Variants in MITF observed in about 807,000 individuals in gnomAD.
The protein encoded by MITF is microphthalmia-associated transcription factor.
MITF carries 17 observed loss-of-function variants against 60.5 expected under a neutral mutation model. The ratio of observed to expected loss-of-function variants is 0.28; its 90% CI spans 0.19 to 0.42. The LOEUF is 0.42. MITF is among the 10% of genes least tolerant of loss of function. The pLI is 1.00. For missense variants in MITF, 622 were observed against 683.5 expected, an observed-to-expected ratio of 0.91 and a Z score of 1.00; for synonymous variants, 260 against 248.5, an observed-to-expected ratio of 1.05 and a Z score of -0.43.
chr3:69,928,438 A>G (rs1354363792), intron 2 of MITF, among the ~76,000 whole-genome samples: 2 of 152,160 alleles, frequency 1.3e-5, no homozygotes, highest in African/African-American at 4.8e-5. Context: ...GTAAGGTAGG[A>G]TTTGCAGATT....
Position 69,967,481 on chromosome 3 carries a change from T to A in MITF, c.*2233T>A, listed in dbSNP as rs2107558920. 1 of 233,574 alleles carries A rather than the reference T, an allele frequency of 4.3e-6. No individual in the cohort carries two copies. The highest frequency in any genetic ancestry group is 2.2e-5 in the African/African-American group (1 of 45,422). 14.5% of individuals were successfully genotyped at this position (233,574 alleles called of 1,614,324 possible). ...TTCCTTAGCTGATTTTGAGGGTTTT[T>A]AAAAATAAAGCAAGGTTGACTAACC... On this transcript the variant is annotated 3_prime_UTR_variant, in exon 10 of 10. Coordinates refer to ENST00000352241, the MANE Select transcript of MITF (RefSeq NM_001354604.2).
chr3:69,902,747 A>G (rs1486011994), intron 2 of MITF, among the ~76,000 whole-genome samples: 3 of 152,170 alleles, frequency 2.0e-5, no homozygotes, highest in Non-Finnish European at 4.4e-5. Flanking sequence ...ATGGTAACAC[A>G]TTCAATTCTT....
rs185794091 is a variant in MITF at position 69,752,855 on chromosome 3, C to T, written c.104+13154C>T. On this transcript the variant is annotated intron_variant, in intron 1 of 9. Coordinates refer to ENST00000352241, the MANE Select transcript of MITF (RefSeq NM_001354604.2). ...TTCTCTCTTGCTGCTGCTCCCACCA[C>T]GTGAGATGCCTCACTCCCCTTTTGC... Among the ~76,000 whole-genome samples, 292 of 152,318 alleles carry T rather than the reference C, an allele frequency of 1.9e-3. 3 individuals carry two copies. Among genetic ancestry groups the T allele is most frequent in the African/African-American group, 6.3e-3 (261 of 41,574 alleles).
chr3:69,856,652 T>G (rs2063923891), intron 1 of MITF, among the ~76,000 whole-genome samples: 1 of 152,190 alleles, frequency 6.6e-6, no homozygotes, highest in Non-Finnish European at 1.5e-5. Context: ...AGCCTATCAT[T>G]CTCCCCCAAA....
At chr3:69,858,497 T>A (rs1480355148) in intron 1 of MITF, among the ~76,000 whole-genome samples, 1 of 152,152 alleles carries the variant, frequency 6.6e-6, no homozygotes. Context: ...GTTTTACTTA[T>A]TTAAATACAC....
intron 1 of MITF, among the ~76,000 whole-genome samples, chr3:69,815,292 T>G (rs1020615808): frequency 2.0e-5 from 3 of 152,114 alleles, no homozygotes; most frequent in African/African-American, 7.2e-5. Flanking sequence ...CCTGCTCACA[T>G]TGTCTAGTAA....
At chr3:69,875,770 A>AGAAGGT (rs1201059381) in intron 1 of MITF, among the ~76,000 whole-genome samples, 1 of 152,328 alleles carries the variant, frequency 6.6e-6, no homozygotes, top group Non-Finnish European at 1.5e-5. Context: ...GTTTTTGTCT[A>AGAAGGT]GAAGGTGATA....
At chr3:69,943,894 C>G (rs2066029919) in intron 5 of MITF, among the ~76,000 whole-genome samples, 1 of 151,996 alleles carries the variant, frequency 6.6e-6, no homozygotes. Flanking sequence ...AGTTGGAGAT[C>G]AGCCTAGGCA....
chr3:69,879,611 G>A (rs1219038926), intron 2 of MITF, among the ~76,000 whole-genome samples: 2 of 152,182 alleles, frequency 1.3e-5, no homozygotes, highest in Non-Finnish European at 2.9e-5. Flanking sequence ...AATGTTCCAT[G>A]AGAAATTGCA....
chr3:69,874,310 A>T (rs367818087), intron 1 of MITF, among the ~76,000 whole-genome samples: 1 of 152,368 alleles, frequency 6.6e-6, no homozygotes, highest in East Asian at 1.9e-4. Flanking sequence ...GACATTGGCT[A>T]AACTTTACAA....
intron 1 of MITF, among the ~76,000 whole-genome samples, chr3:69,814,380 G>A (rs182629618): frequency 1.4e-3 from 211 of 152,172 alleles, no homozygotes; most frequent in African/African-American, 4.5e-3. Flanking sequence ...CTAGGACGGC[G>A]TGCAGTGGTG....
chr3:69,886,284 G>C (rs2064615698), intron 2 of MITF, among the ~76,000 whole-genome samples: 1 of 152,120 alleles, frequency 6.6e-6, no homozygotes, highest in South Asian at 2.1e-4. Flanking sequence ...CACCTTGGAG[G>C]AGGAAAGGCA....
chr3:69,948,507 C>T (rs4254664), intron 5 of MITF, among the ~76,000 whole-genome samples: 398 of 149,516 alleles, frequency 2.7e-3, no homozygotes, highest in African/African-American at 9.5e-3. Flanking sequence ...TTCAAGGAAA[C>T]GCTTTTTCTC....
intron 2 of MITF, among the ~76,000 whole-genome samples, chr3:69,887,492 T>TA (rs1238938383): frequency 3.3e-5 from 5 of 151,998 alleles, no homozygotes; most frequent in East Asian, 1.9e-4. Context: ...AGCTTGAACT[T>TA]AAAAAAACAT....
intron 7 of MITF, 121 bp downstream of exon 7, chr3:69,952,007 G>T: frequency 1.3e-6 from 1 of 760,226 alleles, no homozygotes; most frequent in Admixed American, 2.1e-5. Flanking sequence ...TCTCTCTTAT[G>T]GAAGAAAATT....
intron 2 of MITF, among the ~76,000 whole-genome samples, chr3:69,910,060 A>C (rs75869142): frequency 0.015 from 2,344 of 152,260 alleles, 26 homozygotes; most frequent in Middle Eastern, 0.051. Context: ...AGTGGTTCCA[A>C]GTGCCATTCC....
At chr3:69,883,681 T>C (rs747877990) in intron 2 of MITF, among the ~76,000 whole-genome samples, 4 of 152,156 alleles carry the variant, frequency 2.6e-5, no homozygotes, top group Non-Finnish European at 4.4e-5. Context: ...AATAGCATCA[T>C]GGTGGCTGCA....
At chr3:69,797,485 T>A (rs1027239514) in intron 1 of MITF, among the ~76,000 whole-genome samples, 11 of 152,272 alleles carry the variant, frequency 7.2e-5, no homozygotes, top group African/African-American at 2.6e-4. Context: ...ACTAAAAAAA[T>A]AAATAAATAA....
chr3:69,904,650 C>T (rs2065060391), intron 2 of MITF, among the ~76,000 whole-genome samples: 1 of 152,090 alleles, frequency 6.6e-6, no homozygotes, highest in South Asian at 2.1e-4. Context: ...CTTTGTATTC[C>T]CATTAGTTAT....
Sources: allele counts gnomAD v4.1 joint callset (sites outside exome capture counted in the v4.1 genomes callset), GRCh38; gene constraint gnomAD v4.1.1; transcripts MANE v1.5; gene names NCBI Gene and HGNC (gene_info 2026-07-23, HGNC 2026-07-21).